Variants in TMCO4 observed in about 807,000 individuals in gnomAD.
The protein encoded by TMCO4 is transmembrane and coiled-coil domains 4.
In TMCO4, 58 loss-of-function variants were observed where a neutral mutation model predicts 64.7. The ratio of observed to expected loss-of-function variants is 0.90; its 90% CI spans 0.73 to 1.12. The LOEUF (loss-of-function observed/expected upper bound fraction) is 1.12, where lower values mean the gene tolerates loss of function less well. Among genes scored for constraint, TMCO4 ranks in the 50% most tolerant of loss-of-function variants. TMCO4 has a pLI of 0.00. For missense variants in TMCO4, 780 were observed against 825.9 expected (o/e 0.94, Z 0.68); for synonymous variants, 325 against 346.1 (o/e 0.94, Z 0.68).
chr1:19,705,459 A>G (rs920112290), intron 13 of TMCO4, among the ~76,000 whole-genome samples: 1 of 151,872 alleles, frequency 6.6e-6, no homozygotes, highest in African/African-American at 2.4e-5. Flanking sequence ...TCAAAAATAA[A>G]TAAATAAATA....
intron 13 of TMCO4, among the ~76,000 whole-genome samples, chr1:19,721,134 TG>T (rs1264725240): frequency 1.3e-5 from 2 of 152,074 alleles, no homozygotes; most frequent in Admixed American, 1.3e-4. Flanking sequence ...GACTCACGCA[TG>T]GGACCTGGTT....
intron 13 of TMCO4, among the ~76,000 whole-genome samples, chr1:19,721,194 A>T (rs981358568): frequency 6.6e-6 from 1 of 152,258 alleles, no homozygotes; most frequent in South Asian, 2.1e-4. Flanking sequence ...GGAAACTGAG[A>T]ATGGTCCCCA....
chr1:19,784,881 A>C (rs367775665), intron 3 of TMCO4, among the ~76,000 whole-genome samples: 1 of 151,958 alleles, frequency 6.6e-6, no homozygotes, highest in Non-Finnish European at 1.5e-5. Context: ...TTCGCAAGAC[A>C]ACCTCATAAT....
intron 7 of TMCO4, among the ~76,000 whole-genome samples, chr1:19,753,250 G>A (rs987719893): frequency 4.6e-5 from 7 of 152,184 alleles, no homozygotes; most frequent in Non-Finnish European, 8.8e-5. Flanking sequence ...GTGAGCCACT[G>A]CGCCTGGCCT....
At chr1:19,795,521 A>G (rs2044265189) in intron 2 of TMCO4, among the ~76,000 whole-genome samples, 1 of 152,188 alleles carries the variant, frequency 6.6e-6, no homozygotes, top group Non-Finnish European at 1.5e-5. Context: ...AAAAATTTAA[A>G]CATTTAAAAA....
At chr1:19,749,517 A>G (rs898807099) in intron 7 of TMCO4, among the ~76,000 whole-genome samples, 3 of 151,994 alleles carry the variant, frequency 2.0e-5, no homozygotes, top group Admixed American at 6.6e-5. Context: ...ATAGATATGC[A>G]CCACCACGCT....
rs1309064337 is a variant in TMCO4, at chr1:19,780,912, G to A, written c.-8-146C>T. 7.4e-6 allele frequency: 5 copies of A among 672,326 alleles called. No homozygotes were observed. In the Admixed American group the frequency reaches 1.2e-4, roughly 17 times the overall value. 41.6% of individuals were successfully genotyped at this position (672,326 alleles called of 1,614,324 possible). ...TTCTTTTCATCACCTTTAGGAGAGT[G>A]AGAACACACACTACAGACCAGGATG... is the stretch of plus-strand genomic sequence containing the variant. On this transcript the variant is annotated intron_variant, in intron 3 of 15. Transcript: ENST00000294543.
At chr1:19,726,764 G>A (rs1164439996) in intron 13 of TMCO4, among the ~76,000 whole-genome samples, 1 of 152,180 alleles carries the variant, frequency 6.6e-6, no homozygotes. Context: ...GCCAGAGGAG[G>A]AGGAGGATGA....
chr1:19,682,990 G>C lies in TMCO4; in HGVS notation c.*50C>G. The C allele has an allele frequency of 2.0e-6, 3 of 1,525,718 alleles. No homozygotes were observed. The highest frequency in any genetic ancestry group is 2.6e-5 in the South Asian group (2 of 75,786). The allele number at this position is 1,525,718 out of a possible 1,614,324, so 94.5% of individuals were successfully genotyped here. ...CTGGGAGGAACCCGAGGGTATAAGA[G>C]AGAGCTGCATATGGAGACTGGGGAA... On this transcript the variant is annotated 3_prime_UTR_variant, in exon 16 of 16. Coordinates refer to ENST00000294543, the MANE Select transcript of TMCO4 (RefSeq NM_181719.7).
At chr1:19,781,239 C>A (rs1025132938) in intron 3 of TMCO4, among the ~76,000 whole-genome samples, 5 of 150,800 alleles carry the variant, frequency 3.3e-5, no homozygotes, top group African/African-American at 1.2e-4. Context: ...GGTAGGAGGA[C>A]TGATTGAGCC....
chr1:19,777,912 C>T (rs932746338), intron 4 of TMCO4, among the ~76,000 whole-genome samples: 15 of 152,154 alleles, frequency 9.9e-5, no homozygotes, highest in African/African-American at 3.6e-4. Flanking sequence ...TGGCATGCAT[C>T]TGTAGTCCCA....
intron 13 of TMCO4, among the ~76,000 whole-genome samples, chr1:19,728,696 A>G (rs2095418336): frequency 6.6e-6 from 1 of 152,186 alleles, no homozygotes. Context: ...GTCTGCATGA[A>G]GGCCCCTTGG....
In TMCO4 at chr1:19,734,123, A is replaced by G. The variant is rs1009809394; in HGVS notation, c.1264+3249T>C. Among the ~76,000 whole-genome samples, 5 of 152,164 alleles carry G rather than the reference A, an allele frequency of 3.3e-5. No individual in the cohort carries two copies. Among genetic ancestry groups the G allele is most frequent in the African/African-American group, 9.7e-5 (4 of 41,434 alleles). Reference sequence around the variant, plus strand: ...ACACAGTGAGACCTGAGAAATGAGTAGGAATTATCTAGAAAAGGAGACAGA... The same window carrying G: ...ACACAGTGAGACCTGAGAAATGAGTGGGAATTATCTAGAAAAGGAGACAGA... On this transcript the variant is annotated intron_variant, in intron 13 of 15. Transcript: ENST00000294543. The surrounding 1 kb of genome is among the most constrained non-coding windows in gnomAD (Gnocchi z 4.4).
intron 15 of TMCO4, among the ~76,000 whole-genome samples, chr1:19,684,987 C>G (rs1421739757): frequency 6.6e-6 from 1 of 152,142 alleles, no homozygotes; most frequent in Admixed American, 6.6e-5. Flanking sequence ...CCCTAAATGG[C>G]CTATTCTGAT....
chr1:19,757,025 G>A lies in TMCO4; in HGVS notation c.383-1259C>T, dbSNP rs1436563017. Among the ~76,000 whole-genome samples the A allele has an allele frequency of 2.6e-5, 4 of 151,834 alleles. No homozygotes were observed. In the South Asian group the frequency reaches 8.3e-4, roughly 32 times the overall value. The stretch of plus-strand genomic sequence containing the variant: ...ACAGGAAAAAAAAGTGAAGGAGGTC[G>A]GGCGCCTGTAATCCCAGCACTTTGG... On this transcript the variant is annotated intron_variant, in intron 6 of 15. Transcript: ENST00000294543.
intron 2 of TMCO4, among the ~76,000 whole-genome samples, chr1:19,789,030 GC>G (rs202129389): frequency 0.023 from 3,451 of 150,546 alleles, 138 homozygotes; most frequent in African/African-American, 0.08. Context: ...AGCCGAGATC[GC>G]ATCACTGCAC....
intron 2 of TMCO4, 181 bp downstream of exon 2, chr1:19,797,956 G>GAAAAGAAA (rs2044406863): frequency 7.4e-5 from 9 of 121,874 alleles, no homozygotes; most frequent in African/African-American, 3.6e-4. Context: ...GAGAAAGAGA[G>GAAAAGAAA]AGAAAAGAAA....
chr1:19,712,239 G>A (rs913768612), intron 13 of TMCO4, among the ~76,000 whole-genome samples: 9 of 152,202 alleles, frequency 5.9e-5, no homozygotes, highest in African/African-American at 1.4e-4. Flanking sequence ...TAAGTTCACC[G>A]TCTTATATGG....
At chr1:19,726,974 T>C (rs1158874516) in intron 13 of TMCO4, among the ~76,000 whole-genome samples, 1 of 152,220 alleles carries the variant, frequency 6.6e-6, no homozygotes, top group Non-Finnish European at 1.5e-5. Context: ...GTGGCGGGAC[T>C]GCTCTGAGAA....
Sources: gnomAD v4.1 joint callset for allele counts (sites outside exome capture counted in the v4.1 genomes callset) on GRCh38, gnomAD v4.1.1 for gene constraint, Gnocchi (gnomAD v3.1) non-coding constraint, MANE v1.5 for transcripts, NCBI Gene and HGNC (gene_info 2026-07-23, HGNC 2026-07-21) for gene names.